The following ADAP1 variants were observed in gnomAD, a reference collection of about 807,000 sequenced individuals.
The protein encoded by ADAP1 is ArfGAP with dual PH domains 1.
Under a neutral mutation model 54.9 loss-of-function variants are expected in ADAP1, and 31 were observed. That is an observed-to-expected ratio of 0.56 (90% CI 0.42 to 0.76). The LOEUF is 0.76. ADAP1 is among the 30% of genes least tolerant of loss of function. ADAP1 has a pLI of 0.00. For missense variants in ADAP1, 535 were observed against 512.4 expected (o/e 1.04, Z -0.42); for synonymous variants, 313 against 202.6 (o/e 1.55, Z -4.63).
intron 4 of ADAP1, among the ~76,000 whole-genome samples, chr7:908,621 C>T (rs1845577852): frequency 6.6e-6 from 1 of 152,258 alleles, no homozygotes; most frequent in South Asian, 2.1e-4. Context: ...CCTGTTGACT[C>T]AGTGAGCCCC....
At chr7:944,860 ACT>A (rs56714216) in intron 1 of ADAP1, among the ~76,000 whole-genome samples, 2,588 of 151,820 alleles carry the variant, frequency 0.017, 75 homozygotes, top group African/African-American at 0.058. Flanking sequence ...CCACCCTGAG[ACT>A]CTGTTTTAAA....
At chr7:949,452 C>A (rs1369104631) in intron 1 of ADAP1, among the ~76,000 whole-genome samples, 1 of 152,278 alleles carries the variant, frequency 6.6e-6, no homozygotes, top group Non-Finnish European at 1.5e-5. Context: ...TTGGCAAATG[C>A]CTCTGAGTCT....
intron 4 of ADAP1, among the ~76,000 whole-genome samples, chr7:911,807 G>A (rs1268375935): frequency 6.6e-6 from 1 of 151,320 alleles, no homozygotes; most frequent in African/African-American, 2.4e-5. Context: ...GCCAGGAAGG[G>A]GGCGGGGGAC....
In ADAP1 at chr7:926,732, T is replaced by G; in HGVS notation, c.214-88A>C. ...GCTGCCCTTGGGGCCGTCACCACAGTGACCCGCAGACCCAAGGCTCTGAGG... is the reference window on the plus strand; with the variant it reads ...GCTGCCCTTGGGGCCGTCACCACAGGGACCCGCAGACCCAAGGCTCTGAGG... On this transcript the variant is annotated intron_variant, in intron 2 of 10. Coordinates refer to ENST00000265846, the MANE Select transcript of ADAP1 (RefSeq NM_006869.4). This position sits in a 1 kb window ranked among gnomAD's most constrained non-coding sequence, Gnocchi z 4.6. 1 of 1,100,524 alleles carries G rather than the reference T, an allele frequency of 9.1e-7. No homozygotes were observed. The highest frequency in any genetic ancestry group is 2.9e-5 in the East Asian group (1 of 34,508). The allele number at this position is 1,100,524 out of a possible 1,614,324, so 68.2% of individuals were successfully genotyped here. A position where few individuals can be genotyped will look rare whatever the true frequency, so the allele number is the denominator to read the frequency against.
intron 3 of ADAP1, among the ~76,000 whole-genome samples, chr7:922,641 A>G (rs1846230735): frequency 6.6e-6 from 1 of 151,900 alleles, no homozygotes; most frequent in South Asian, 2.1e-4. Context: ...TTTCCACCGC[A>G]TGGAGTTCAG....
chr7:919,242 C>A (rs557134087), intron 4 of ADAP1, among the ~76,000 whole-genome samples: 2 of 152,234 alleles, frequency 1.3e-5, no homozygotes, highest in African/African-American at 2.4e-5. Flanking sequence ...GACGCCCTCA[C>A]GCCCCTCACC....
chr7:906,808 G>GTGACAT (rs1845477301), intron 4 of ADAP1, among the ~76,000 whole-genome samples: 1 of 142,986 alleles, frequency 7.0e-6, no homozygotes, highest in African/African-American at 2.7e-5. Context: ...GGGGACATGG[G>GTGACAT]GGGACATGGG....
intron 7 of ADAP1, among the ~76,000 whole-genome samples, 155 bp downstream of exon 7, chr7:900,378 A>AGGAGGGCTGCAGGCACGTCAGGG (rs1844728621): frequency 6.6e-6 from 1 of 151,990 alleles, no homozygotes; most frequent in Non-Finnish European, 1.5e-5. Flanking sequence ...AGAGTGAGGC[A>AGGAGGGCTGCAGGCACGTCAGGG]GGAGGGCTGC....
rs4722840 is a variant in ADAP1 at position 945,565 on chromosome 7, A to G, written c.82+8831T>C. Among the ~76,000 whole-genome samples, 60,082 of 152,200 alleles carry G rather than the reference A, an allele frequency of 0.39. 12,449 individuals carry two copies. The highest frequency in any genetic ancestry group is 0.63 in the South Asian group (3,045 of 4,826). ...GGCCAGCAGGTACACACTGGGCCCA[A>G]GGGTGGCTGCGGCATGGCTGATGTG... On this transcript the variant is annotated intron_variant, in intron 1 of 10. Transcript: ENST00000265846. This position sits in a 1 kb window ranked among gnomAD's most constrained non-coding sequence, Gnocchi z 4.2.
chr7:904,313 G>A (rs73672461), intron 5 of ADAP1, 41 bp from the exon 6 acceptor site: 83,767 of 1,529,232 alleles, frequency 0.055, 2,497 homozygotes, highest in Middle Eastern at 0.065. Flanking sequence ...AGGGGCCGTC[G>A]TCCAAGCTCA....
At chr7:939,345 G>A (rs937987980) in intron 1 of ADAP1, among the ~76,000 whole-genome samples, 4 of 152,004 alleles carry the variant, frequency 2.6e-5, no homozygotes, top group Non-Finnish European at 5.9e-5. Context: ...TCAGCCTCCC[G>A]AGTAGCTGGG....
intron 4 of ADAP1, among the ~76,000 whole-genome samples, chr7:910,714 T>C (rs1845688289): frequency 6.6e-6 from 1 of 152,204 alleles, no homozygotes; most frequent in African/African-American, 2.4e-5. Flanking sequence ...CACAGGGTGG[T>C]GGACCCTCTG....
Position 954,463 on chromosome 7 carries a change from C to A in ADAP1, c.15G>T (p.Arg5=), listed in dbSNP as rs1182388320. Residue 5 remains arginine (R), a synonymous_variant, in exon 1 of 11, where the codon CGG becomes CGT. Coordinates refer to ENST00000265846, the MANE Select transcript of ADAP1 (RefSeq NM_006869.4). MAKE[R]RRAVLELLQR... ...GCAGCAGCTCCAGGACCGCCCTGCG[C>A]CGCTCCTTGGCCATGGCCGCGATGC... 9.4e-7 allele frequency: 1 copy of A among 1,063,268 alleles called. No individual in the cohort carries two copies. The highest frequency in any genetic ancestry group is 3.1e-5 in the South Asian group (1 of 32,710). The allele number at this position is 1,063,268 out of a possible 1,614,324, so 65.9% of individuals were successfully genotyped here. A position where few individuals can be genotyped will look rare whatever the true frequency, so the allele number is the denominator to read the frequency against.
At chr7:954,770 C>A (rs1424641341), upstream of ADAP1, 14 of 939,350 alleles carry the variant, frequency 1.5e-5, no homozygotes, top group Non-Finnish European at 1.8e-5. Context: ...GTGGCCTCCT[C>A]CCTCGGCCGC....
chr7:909,173 G>A lies in ADAP1; in HGVS notation c.389-4001C>T, dbSNP rs1364609396. On this transcript the variant is annotated intron_variant, in intron 4 of 10. Transcript: ENST00000265846. ...GGAACCCCGGTCCTCCCGACAGCAG[G>A]CGCCAGCGGGAACCCCGGACCTCCC... Among the ~76,000 whole-genome samples, 67 of 129,092 alleles carry A rather than the reference G, an allele frequency of 5.2e-4. 1 individual carries two copies. The highest frequency in any genetic ancestry group is 6.2e-4 in the African/African-American group (21 of 33,830). 84.7% of individuals were successfully genotyped at this position (129,092 alleles called of 152,430 possible).
At chr7:941,686 A>C (rs188213900) in intron 1 of ADAP1, among the ~76,000 whole-genome samples, 7 of 152,350 alleles carry the variant, frequency 4.6e-5, no homozygotes, top group Admixed American at 2.0e-4. Context: ...TTTTCGTGGG[A>C]TGGGAGACTC....
At chr7:942,283 G>C (rs973400485) in intron 1 of ADAP1, among the ~76,000 whole-genome samples, 1 of 151,372 alleles carries the variant, frequency 6.6e-6, no homozygotes, top group East Asian at 1.9e-4. Flanking sequence ...GAGAGAGAGA[G>C]GAGGAGGAAG....
intron 4 of ADAP1, chr7:905,580 GAGAAAGGAGAAAGGA>G (rs1562912348): frequency 2.5e-4 from 13 of 51,624 alleles, no homozygotes; most frequent in South Asian, 7.4e-4. Context: ...AAGGAGAAAG[GAGAAAGGAGAAAGGA>G]GAAAGGAGAA....
chr7:954,552 C>T lies in ADAP1; in HGVS notation c.-75G>A. ...CAGCCCGGCTCGCTAGGGCCCCGCGCAGGCCGCCCGCCGCCGCCGCCCCTG... is the reference window on the plus strand; with the variant it reads ...CAGCCCGGCTCGCTAGGGCCCCGCGTAGGCCGCCCGCCGCCGCCGCCCCTG... On this transcript the variant is annotated 5_prime_UTR_variant, in exon 1 of 11. Coordinates refer to ENST00000265846, the MANE Select transcript of ADAP1 (RefSeq NM_006869.4). 1 of 991,468 alleles carries T rather than the reference C, an allele frequency of 1.0e-6. No individual in the cohort carries two copies. Among genetic ancestry groups the T allele is most frequent in the Non-Finnish European group, 1.2e-6 (1 of 835,248 alleles). 61.4% of individuals were successfully genotyped at this position (991,468 alleles called of 1,614,324 possible).
Sources: allele counts gnomAD v4.1 joint callset (sites outside exome capture counted in the v4.1 genomes callset), GRCh38; gene constraint gnomAD v4.1.1; non-coding constraint Gnocchi (gnomAD v3.1); transcripts MANE v1.5; gene names NCBI Gene and HGNC (gene_info 2026-07-23, HGNC 2026-07-21).